Variants in LRRC37A3 observed in about 807,000 individuals in gnomAD.
The protein encoded by LRRC37A3 is leucine-rich repeat-containing protein 37A3.
LRRC37A3 carries 25 observed loss-of-function variants against 106.2 expected under a neutral mutation model. That is an observed-to-expected ratio of 0.24 (90% CI 0.17 to 0.33). The LOEUF is 0.33. LRRC37A3 is among the 10% of genes least tolerant of loss of function. LRRC37A3 has a pLI of 1.00. For synonymous variants in LRRC37A3, 305 were observed against 635.8 expected (o/e 0.48, Z 7.83); for missense variants, 712 against 1,644.9 (o/e 0.43, Z 9.81).
chr17:64,879,632 G>A (rs1011132197), intron 8 of LRRC37A3, among the ~76,000 whole-genome samples: 1 of 152,072 alleles, frequency 6.6e-6, no homozygotes, highest in Non-Finnish European at 1.5e-5. Flanking sequence ...GTTAAGTATG[G>A]ATTCTCAAAC....
rs985846550 is a variant in LRRC37A3 at position 64,879,825 on chromosome 17, G to A, written c.2906+6261C>T. On this transcript the variant is annotated intron_variant, in intron 8 of 14. Coordinates refer to ENST00000584306, the MANE Select transcript of LRRC37A3 (RefSeq NM_199340.5). Reference sequence around the variant, plus strand: ...CAAGCCTGTAATCTCAGCACTTTGGGAGGCCAAAGCAGAAGGAGAGCTTGA... The same window carrying A: ...CAAGCCTGTAATCTCAGCACTTTGGAAGGCCAAAGCAGAAGGAGAGCTTGA... Among the ~76,000 whole-genome samples, 830 of 152,042 alleles carry A rather than the reference G, an allele frequency of 5.5e-3. 10 individuals carry two copies. The highest frequency in any genetic ancestry group is 0.019 in the African/African-American group (793 of 41,488).
intron 11 of LRRC37A3, among the ~76,000 whole-genome samples, chr17:64,861,476 A>T (rs1198326135): frequency 6.6e-6 from 1 of 152,210 alleles, no homozygotes; most frequent in Non-Finnish European, 1.5e-5. Context: ...GCTAAAGTGG[A>T]GGCCCCCTCC....
At chr17:64,866,601 TATATATATATATATATATATATATATA>T (rs1567766426) in intron 10 of LRRC37A3, among the ~76,000 whole-genome samples, 8 of 17,320 alleles carry the variant, frequency 4.6e-4, no homozygotes, top group East Asian at 1.9e-3. Context: ...TATATATATA[TATATATATATATATATATATATATATA>T]TTTTTTTTTT....
rs201267231 is a variant in LRRC37A3 at position 64,863,397 on chromosome 17, G to C, written c.3054-379C>G. On this transcript the variant is annotated intron_variant, in intron 10 of 14. Transcript: ENST00000584306. ...CGGAGTCCCTTTCTCAATTCCTGTT[G>C]GGAGTGGGAAATATTATAAATTACT... 5.4e-5 allele frequency: 13 copies of C among 240,000 alleles called. No homozygotes were observed. The East Asian group carries it at 1.5e-3, about 27-fold the overall frequency. 14.9% of individuals were successfully genotyped at this position (240,000 alleles called of 1,614,324 possible). A position where few individuals can be genotyped will look rare whatever the true frequency, so the allele number is the denominator to read the frequency against.
Position 64,854,483 on chromosome 17 carries a change from C to G in LRRC37A3, c.*116G>C. On this transcript the variant is annotated 3_prime_UTR_variant, in exon 15 of 15. Coordinates refer to ENST00000584306, the MANE Select transcript of LRRC37A3 (RefSeq NM_199340.5). ...GGCAGGAACGATGGCCCTGTGCTTG[C>G]TCTGCCCGCTGCCTCTGTGGATGTG... 6.8e-7 allele frequency: 1 copy of G among 1,478,054 alleles called. No individual in the cohort carries two copies. The highest frequency in any genetic ancestry group is 9.4e-7 in the Non-Finnish European group (1 of 1,062,078). The allele number at this position is 1,478,054 out of a possible 1,614,324, so 91.6% of individuals were successfully genotyped here. A position where few individuals can be genotyped will look rare whatever the true frequency, so the allele number is the denominator to read the frequency against.
chr17:64,905,042 A>AAATTTATTAAATC (rs1206997280), intron 2 of LRRC37A3, among the ~76,000 whole-genome samples: 3 of 150,344 alleles, frequency 2.0e-5, no homozygotes, highest in African/African-American at 7.5e-5. Context: ...TTTATTAAAT[A>AAATTTATTAAATC]AATTTATTAA....
chr17:64,909,154 T>C (rs541594178), intron 2 of LRRC37A3, among the ~76,000 whole-genome samples: 3 of 152,294 alleles, frequency 2.0e-5, no homozygotes, highest in Non-Finnish European at 4.4e-5. Context: ...TATAATCTGA[T>C]AGGTTATTTC....
intron 9 of LRRC37A3, 25 bp from the exon 10 acceptor site, chr17:64,868,561 A>G (rs778208585): frequency 2.5e-6 from 4 of 1,587,774 alleles, no homozygotes; most frequent in South Asian, 2.3e-5. Flanking sequence ...CGAAACATTC[A>G]TGATATGAGC....
chr17:64,912,812 T>C (rs28652968), intron 2 of LRRC37A3, among the ~76,000 whole-genome samples: 52 of 146,186 alleles, frequency 3.6e-4, no homozygotes, highest in African/African-American at 1.3e-3. Context: ...TTTTGGGAGG[T>C]TGAGGTGGGC....
intron 14 of LRRC37A3, among the ~76,000 whole-genome samples, chr17:64,855,274 G>C (rs1223347809): frequency 1.3e-5 from 2 of 151,036 alleles, no homozygotes; most frequent in Non-Finnish European, 2.9e-5. Context: ...CCACTTAAGA[G>C]GAAGGACTCA....
In LRRC37A3 at chr17:64,869,129, G is replaced by A; in HGVS notation, c.2944C>T (p.Pro982Ser). The change falls in exon 9 of 15, where the codon CCA becomes TCA. Residue 982 changes from proline to serine, a missense_variant. Pro to Ser is a moderately conservative substitution (Grantham distance 74). Coordinates refer to ENST00000584306, the MANE Select transcript of LRRC37A3 (RefSeq NM_199340.5). Reference protein sequence around the residue: ...NHNPLTTVEDPYLFKLPALKY... With the variant: ...NHNPLTTVEDSYLFKLPALKY... ...AATGCTGGCAATTTAAAGAGATATGGATCTTCAACAGTTGTCAGAGGATTG... is the reference window on the plus strand; with the variant it reads ...AATGCTGGCAATTTAAAGAGATATGAATCTTCAACAGTTGTCAGAGGATTG... 1 of 1,612,968 alleles carries A rather than the reference G, an allele frequency of 6.2e-7. No individual in the cohort carries two copies. The highest frequency in any genetic ancestry group is 8.5e-7 in the Non-Finnish European group (1 of 1,179,556).
rs1972827856 is a variant in LRRC37A3, at chr17:64,860,423, A to C, written c.3723T>G (p.His1241Gln). The C allele has an allele frequency of 6.2e-7, 1 of 1,613,860 alleles. No homozygotes were observed. Among genetic ancestry groups the C allele is most frequent in the Non-Finnish European group, 8.5e-7 (1 of 1,179,870 alleles). The change falls in exon 12 of 15, where the codon CAT becomes CAG. Residue 1241 changes from histidine (H) to glutamine (Q), a missense_variant. By Grantham distance (24) the His-to-Gln change is conservative (BLOSUM62 0). Transcript: ENST00000584306. ...VYTKPSFTQE[H>Q]KAAVSVLKPF... Reference sequence around the variant, plus strand: ...GTTTCAGCACAGAGACTGCTGCCTTATGCTCTTGGGTGAACGAAGGCTTGG... The same window carrying C: ...GTTTCAGCACAGAGACTGCTGCCTTCTGCTCTTGGGTGAACGAAGGCTTGG...
At chr17:64,865,536 T>C (rs1973038051) in intron 10 of LRRC37A3, among the ~76,000 whole-genome samples, 1 of 152,254 alleles carries the variant, frequency 6.6e-6, no homozygotes, top group Admixed American at 6.5e-5. Flanking sequence ...AATGGTATAA[T>C]GAACACCTGT....
At position 64,854,579 on chromosome 17, in the gene LRRC37A3, AG is replaced by A. The variant is rs773922207; in HGVS notation, c.*19del. 80 of 1,613,746 alleles carry A rather than the reference AG, an allele frequency of 5.0e-5. No homozygotes were observed. The highest frequency in any genetic ancestry group is 6.4e-5 in the Non-Finnish European group (76 of 1,179,864). On this transcript the variant is annotated 3_prime_UTR_variant, in exon 15 of 15. Transcript: ENST00000584306. ...GCTATGTATTTTTGCAGGAGGCCTG[AG>A]GTGGGCTGGGTTCTCCTCCTATGGC...
intron 13 of LRRC37A3, among the ~76,000 whole-genome samples, chr17:64,856,098 C>T (rs1323002133): frequency 3.3e-5 from 5 of 151,950 alleles, no homozygotes; most frequent in African/African-American, 1.2e-4. Context: ...TCTAGGATAC[C>T]GCCCCCACAC....
intron 10 of LRRC37A3, among the ~76,000 whole-genome samples, chr17:64,866,329 A>G (rs1460233006): frequency 6.6e-6 from 1 of 151,794 alleles, no homozygotes; most frequent in Non-Finnish European, 1.5e-5. Flanking sequence ...AGATCTGACA[A>G]CCTGGTGAAG....
intron 9 of LRRC37A3, 107 bp downstream of exon 9, chr17:64,868,988 A>T: frequency 1.3e-6 from 2 of 1,505,806 alleles, no homozygotes; most frequent in Admixed American, 4.8e-5. Flanking sequence ...ACCCAGTTAA[A>T]ATTTAAATTA....
chr17:64,860,422 T>C lies in LRRC37A3; in HGVS notation c.3724A>G (p.Lys1242Glu). ...YTKPSFTQEH[K>E]AAVSVLKPFS... The stretch of plus-strand genomic sequence containing the variant: ...GGTTTCAGCACAGAGACTGCTGCCT[T>C]ATGCTCTTGGGTGAACGAAGGCTTG... The change falls in exon 12 of 15, where the codon AAG becomes GAG. Residue 1242 changes from lysine (K) to glutamate (E), a missense_variant. Physicochemically the swap from Lys to Glu is moderately conservative, Grantham distance 56 (BLOSUM62 1). Coordinates refer to ENST00000584306, the MANE Select transcript of LRRC37A3 (RefSeq NM_199340.5). 6.2e-7 allele frequency: 1 copy of C among 1,613,986 alleles called. No homozygotes were observed. Among genetic ancestry groups the C allele is most frequent in the Non-Finnish European group, 8.5e-7 (1 of 1,179,870 alleles).
In LRRC37A3 at chr17:64,869,010, C is replaced by T; in HGVS notation, c.2978+85G>A. ...TAAAATTTAAATTATGACATTTTAG[C>T]CTAAATGCAAAATACTTAAGCTTTG... On this transcript the variant is annotated intron_variant, in intron 9 of 14. Transcript: ENST00000584306. The T allele has an allele frequency of 9.2e-6, 14 of 1,518,658 alleles. No individual in the cohort carries two copies. In the South Asian group the frequency reaches 1.7e-4, roughly 18 times the overall value. The allele number at this position is 1,518,658 out of a possible 1,614,324, so 94.1% of individuals were successfully genotyped here. A position where few individuals can be genotyped will look rare whatever the true frequency, so the allele number is the denominator to read the frequency against.
Sources: gnomAD v4.1 joint callset for allele counts (sites outside exome capture counted in the v4.1 genomes callset) on GRCh38, gnomAD v4.1.1 for gene constraint, MANE v1.5 for transcripts, NCBI Gene and HGNC (gene_info 2026-07-23, HGNC 2026-07-21) for gene names.